Variants in STAG1 observed in about 807,000 individuals in gnomAD.
STAG1 encodes STAG1 cohesin complex component.
In STAG1, 26 loss-of-function variants were observed where a neutral mutation model predicts 170.9. That is an observed-to-expected ratio of 0.15 (90% CI 0.11 to 0.21). STAG1 has a LOEUF of 0.21. STAG1 is among the 10% of genes least tolerant of loss of function. The pLI is 1.00. For synonymous variants in STAG1, 514 were observed against 497.7 expected (o/e 1.03, Z -0.44); for missense variants, 964 against 1,509.5 (o/e 0.64, Z 5.99).
intron 23 of STAG1, among the ~76,000 whole-genome samples, chr3:136,373,390 G>T (rs1169416523): frequency 6.6e-6 from 1 of 152,110 alleles, no homozygotes; most frequent in African/African-American, 2.4e-5. Flanking sequence ...CCGTCTGCTA[G>T]CTTTTGAATG....
At chr3:136,593,135 G>C (rs1007936339) in intron 4 of STAG1, among the ~76,000 whole-genome samples, 1 of 152,120 alleles carries the variant, frequency 6.6e-6, no homozygotes, top group Admixed American at 6.5e-5. Flanking sequence ...ATCCAAAAAG[G>C]TATGCTCACT....
chr3:136,535,455 G>C (rs1463101106), intron 6 of STAG1, among the ~76,000 whole-genome samples: 2 of 152,224 alleles, frequency 1.3e-5, no homozygotes, highest in Non-Finnish European at 2.9e-5. Flanking sequence ...TTGAGGACAG[G>C]AGTTCAAGAC....
At position 136,422,795 on chromosome 3, in the gene STAG1, T is replaced by C. The variant is rs200481583; in HGVS notation, c.1806A>G (p.Glu602=). ...TTTCCATTCTACCTGTGCTGTAGAT[T>C]TCTAAATCAAAATACTGTGGGATTT... ...LLQIPQYFDL[E]IYSTGRMEKH... Residue 602 remains glutamate (E), a synonymous_variant, in exon 18 of 34, where the codon GAA becomes GAG. Coordinates refer to ENST00000383202, the MANE Select transcript of STAG1 (RefSeq NM_005862.3). 1 of 1,608,354 alleles carries C rather than the reference T, an allele frequency of 6.2e-7. No individual in the cohort carries two copies. The highest frequency in any genetic ancestry group is 8.5e-7 in the Non-Finnish European group (1 of 1,178,674).
chr3:136,564,293 A>G (rs1936970299), intron 5 of STAG1, among the ~76,000 whole-genome samples: 1 of 152,208 alleles, frequency 6.6e-6, no homozygotes, highest in Non-Finnish European at 1.5e-5. Context: ...ATAAATATAG[A>G]TTTGGTAGAT....
chr3:136,555,237 C>T (rs1041139359), intron 5 of STAG1, among the ~76,000 whole-genome samples: 1 of 151,606 alleles, frequency 6.6e-6, no homozygotes, highest in African/African-American at 2.4e-5. Flanking sequence ...AGAAGCTGGG[C>T]ATGGTCTTGC....
rs150529126 is a variant in STAG1 at position 136,644,246 on chromosome 3, G to T, written c.-83-13265C>A. ...GTGAAAAACTTTGAGGATGGTTCAA[G>T]AACTGGAGTATTCCCCCAACAGAAG... On this transcript the variant is annotated intron_variant, in intron 1 of 33. Coordinates refer to ENST00000383202, the MANE Select transcript of STAG1 (RefSeq NM_005862.3). 5.8e-3 allele frequency among the ~76,000 whole-genome samples: 886 copies of T among 152,260 alleles called. 7 individuals are homozygous for T. Among genetic ancestry groups the T allele is most frequent in the African/African-American group, 0.02 (827 of 41,556 alleles).
intron 22 of STAG1, among the ~76,000 whole-genome samples, chr3:136,381,539 G>C (rs913736666): frequency 6.6e-6 from 1 of 152,126 alleles, no homozygotes; most frequent in African/African-American, 2.4e-5. Context: ...GGAGTTATGA[G>C]TGCTGAATCA....
At chr3:136,339,757 A>G (rs1191819263) in intron 32 of STAG1, among the ~76,000 whole-genome samples, 1 of 152,216 alleles carries the variant, frequency 6.6e-6, no homozygotes, top group Non-Finnish European at 1.5e-5. Context: ...AGAACTTTTG[A>G]AAAAAACATA....
intron 21 of STAG1, among the ~76,000 whole-genome samples, chr3:136,414,925 A>G (rs2087730874): frequency 6.6e-6 from 1 of 152,118 alleles, no homozygotes; most frequent in South Asian, 2.1e-4. Flanking sequence ...AGGGAAAGGG[A>G]TCAGGGAAGG....
intron 1 of STAG1, among the ~76,000 whole-genome samples, chr3:136,713,604 G>A (rs935246172): frequency 6.6e-6 from 1 of 150,918 alleles, no homozygotes; most frequent in Admixed American, 6.6e-5. Flanking sequence ...AAAATACACT[G>A]TGGGGAAGCA....
chr3:136,619,406 T>C (rs1441306169), intron 3 of STAG1, among the ~76,000 whole-genome samples: 4 of 151,214 alleles, frequency 2.6e-5, no homozygotes, highest in Non-Finnish European at 5.9e-5. Flanking sequence ...TATGTTACGT[T>C]AGCGCAAGGG....
Position 136,568,544 on chromosome 3 carries a change from C to G in STAG1, c.394+221G>C, listed in dbSNP as rs1368824359. On this transcript the variant is annotated intron_variant, in intron 5 of 33. Transcript: ENST00000383202. ...AATTTCAGATTTCCTCCCAAAATTTCAAAAACTATATAAATGTATTACTTT... is the reference window on the plus strand; with the variant it reads ...AATTTCAGATTTCCTCCCAAAATTTGAAAAACTATATAAATGTATTACTTT... Among the ~76,000 whole-genome samples, 3 of 152,042 alleles carry G rather than the reference C, an allele frequency of 2.0e-5. No homozygotes were observed. The East Asian group carries it at 5.8e-4, about 29-fold the overall frequency.
intron 6 of STAG1, among the ~76,000 whole-genome samples, chr3:136,541,581 CA>C (rs1935909371): frequency 2.0e-5 from 3 of 150,724 alleles, no homozygotes; most frequent in African/African-American, 7.3e-5. Context: ...CACACACACA[CA>C]CACCAGGGGT....
chr3:136,503,236 T>C (rs1019029510), intron 7 of STAG1, among the ~76,000 whole-genome samples: 9 of 152,290 alleles, frequency 5.9e-5, no homozygotes, highest in South Asian at 2.1e-4. Context: ...TTTACCCCCA[T>C]ATATGGTCCT....
intron 1 of STAG1, among the ~76,000 whole-genome samples, chr3:136,716,895 T>C (rs1379046302): frequency 6.6e-6 from 1 of 152,244 alleles, no homozygotes; most frequent in African/African-American, 2.4e-5. Context: ...CAAGCCTAGT[T>C]TCCTCATATA....
intron 22 of STAG1, among the ~76,000 whole-genome samples, chr3:136,398,522 T>C (rs1335565089): frequency 1.3e-5 from 2 of 152,086 alleles, no homozygotes; most frequent in African/African-American, 4.8e-5. Flanking sequence ...TACATATATA[T>C]ACACACACAT....
intron 2 of STAG1, among the ~76,000 whole-genome samples, chr3:136,629,285 G>A (rs2107836851): frequency 6.6e-6 from 1 of 152,082 alleles, no homozygotes; most frequent in Non-Finnish European, 1.5e-5. Context: ...TTAGGAGATG[G>A]GTCAGAAAAA....
intron 5 of STAG1, among the ~76,000 whole-genome samples, chr3:136,550,700 G>C (rs183762129): frequency 6.6e-6 from 1 of 152,260 alleles, no homozygotes; most frequent in African/African-American, 2.4e-5. Flanking sequence ...TATTGGTGTA[G>C]AGTCGTTCCT....
chr3:136,379,365 A>AAT (rs1220951427), intron 22 of STAG1, among the ~76,000 whole-genome samples: 1 of 152,218 alleles, frequency 6.6e-6, no homozygotes, highest in Non-Finnish European at 1.5e-5. Context: ...GAAGGAGAAA[A>AAT]ATAATCTAGC....
Sources: gnomAD v4.1 joint callset for allele counts (sites outside exome capture counted in the v4.1 genomes callset) on GRCh38, gnomAD v4.1.1 for gene constraint, MANE v1.5 for transcripts, NCBI Gene and HGNC (gene_info 2026-07-23, HGNC 2026-07-21) for gene names.